KIF18B: variants seen among roughly 807,000 people sequenced by gnomAD.
KIF18B encodes kinesin-like protein KIF18B.
A neutral mutation model predicts 80.9 loss-of-function variants in KIF18B; 49 were observed. That is an observed-to-expected ratio of 0.61 (90% CI 0.48 to 0.77). The LOEUF is 0.77. Among genes scored for constraint, KIF18B ranks in the 30% least tolerant of loss-of-function variants. The pLI, the probability that KIF18B is intolerant of heterozygous loss-of-function variation, is 0.00. For missense variants in KIF18B, 994 were observed against 1,127.7 expected (o/e 0.88, Z 1.70); for synonymous variants, 439 against 463.9 (o/e 0.95, Z 0.69).
Position 44,928,262 on chromosome 17 carries a change from G to A in KIF18B, c.2040C>T (p.Ala680=), listed in dbSNP as rs375515468. The part of the protein sequence containing the change: ...QGPSTPKGER[A]SSPCHSPRVC... Reference sequence around the variant, plus strand: ...CGCGAGGGGAATGGCAGGGGGAGGAGGCCCTTTCTCCTTTGGGGGTGCTGG... The same window carrying A: ...CGCGAGGGGAATGGCAGGGGGAGGAAGCCCTTTCTCCTTTGGGGGTGCTGG... The change falls in exon 13 of 16, where the codon GCC becomes GCT. Residue 680 remains alanine (A), a synonymous_variant. Transcript: ENST00000593135. 9.5e-5 allele frequency: 154 copies of A among 1,613,392 alleles called. No individual in the cohort carries two copies. Among genetic ancestry groups the A allele is most frequent in the Non-Finnish European group, 1.3e-4 (150 of 1,179,790 alleles).
In KIF18B at chr17:44,932,186, A is replaced by T. The variant is rs749544071; in HGVS notation, c.1259T>A (p.Leu420His). The change falls in exon 10 of 16, where the codon CTC becomes CAC. Residue 420 changes from leucine to histidine, a missense_variant. Physicochemically the swap from Leu to His is moderately conservative, Grantham distance 99. Transcript: ENST00000593135. ...TTGAAGGGCTCTAGGCCCTGCAGGGAGCTCTGGGGTGCAGGGCTGGCTGGG... is the reference window on the plus strand; with the variant it reads ...TTGAAGGGCTCTAGGCCCTGCAGGGTGCTCTGGGGTGCAGGGCTGGCTGGG... ...PPEHQPCTPE[L>H]PAGPRALQEE... The T allele has an allele frequency of 6.2e-7, 1 of 1,608,718 alleles. No homozygotes were observed. The highest frequency in any genetic ancestry group is 8.5e-7 in the Non-Finnish European group (1 of 1,176,898).
At chr17:44,946,620 T>C (rs1308276338) in intron 1 of KIF18B, among the ~76,000 whole-genome samples, 1 of 152,226 alleles carries the variant, frequency 6.6e-6, no homozygotes, top group Non-Finnish European at 1.5e-5. Context: ...GTTAGAATTA[T>C]ATGACATATG....
chr17:44,943,779 C>T (rs1289428999), intron 1 of KIF18B, among the ~76,000 whole-genome samples: 2 of 152,200 alleles, frequency 1.3e-5, no homozygotes, highest in Admixed American at 6.5e-5. Context: ...GGGATCACCA[C>T]TCACAGCAGC....
At position 44,936,193 on chromosome 17, in the gene KIF18B, C is replaced by T. The variant is rs2052285296; in HGVS notation, c.152G>A (p.Gly51Asp). The T allele has an allele frequency of 1.9e-6, 3 of 1,612,538 alleles. No homozygotes were observed. The highest frequency in any genetic ancestry group is 1.7e-6 in the Non-Finnish European group (2 of 1,179,384). Reference protein sequence around the residue: ...NPEEPDGGFPGLKWGGTHDGP... With the variant: ...NPEEPDGGFPDLKWGGTHDGP... ...ATCATGGGTGCCACCCCATTTCAGG[C>T]CAGGGAACCCTCCATCGGGCTCCTC... The change falls in exon 2 of 16, where the codon GGC (glycine) becomes GAC (aspartate). Residue 51 changes from glycine to aspartate, a missense_variant. Gly to Asp is a moderately conservative substitution (Grantham distance 94). Coordinates refer to ENST00000593135, the MANE Select transcript of KIF18B (RefSeq NM_001265577.2).
chr17:44,936,715 T>C (rs543604511), intron 1 of KIF18B, among the ~76,000 whole-genome samples: 23 of 137,776 alleles, frequency 1.7e-4, no homozygotes, highest in South Asian at 1.6e-3. Context: ...TCTCGGCTCA[T>C]TGCAACCTCC....
At position 44,925,906 on chromosome 17, in the gene KIF18B, C is replaced by T; in HGVS notation, c.*174G>A. Reference sequence around the variant, plus strand: ...CAGGAGATTAACAGAGGGTGAGTAGCAGGATGGATGTCTGGGGAGGGATGT... The same window carrying T: ...CAGGAGATTAACAGAGGGTGAGTAGTAGGATGGATGTCTGGGGAGGGATGT... On this transcript the variant is annotated 3_prime_UTR_variant, in exon 16 of 16. Coordinates refer to ENST00000593135, the MANE Select transcript of KIF18B (RefSeq NM_001265577.2). 1 of 656,114 alleles carries T rather than the reference C, an allele frequency of 1.5e-6. No homozygotes were observed. The highest frequency in any genetic ancestry group is 2.7e-6 in the Non-Finnish European group (1 of 369,632). The allele number at this position is 656,114 out of a possible 1,614,324, so 40.6% of individuals were successfully genotyped here.
intron 3 of KIF18B, 93 bp from the exon 4 acceptor site, chr17:44,935,028 T>C (rs1034026141): frequency 1.2e-5 from 12 of 973,922 alleles, no homozygotes; most frequent in Non-Finnish European, 1.7e-5. Flanking sequence ...GGCCGGGATG[T>C]ATCTGAGACA....
At position 44,927,602 on chromosome 17, in the gene KIF18B, C is replaced by T. The variant is rs968706690; in HGVS notation, c.2276+424G>A. Among the ~76,000 whole-genome samples, 5 of 152,202 alleles carry T rather than the reference C, an allele frequency of 3.3e-5. No individual in the cohort carries two copies. The highest frequency in any genetic ancestry group is 6.5e-5 in the Admixed American group (1 of 15,280). On this transcript the variant is annotated intron_variant, in intron 13 of 15. Coordinates refer to ENST00000593135, the MANE Select transcript of KIF18B (RefSeq NM_001265577.2). This position sits in a 1 kb window ranked among gnomAD's most constrained non-coding sequence, Gnocchi z 4.1. Reference sequence around the variant, plus strand: ...CCCTTTCCTGTTCCAGATGCTGGGCCGGAGGCCAAAATCTGGAGTAGAAGT... The same window carrying T: ...CCCTTTCCTGTTCCAGATGCTGGGCTGGAGGCCAAAATCTGGAGTAGAAGT...
In KIF18B at chr17:44,934,130, G is replaced by A; in HGVS notation, c.886-31C>T. 6.2e-7 allele frequency: 1 copy of A among 1,607,826 alleles called. No homozygotes were observed. The highest frequency in any genetic ancestry group is 8.5e-7 in the Non-Finnish European group (1 of 1,177,190). The stretch of plus-strand genomic sequence containing the variant: ...GGGCAGTAAGCAGGTGTGGGGTGAG[G>A]CGACTGATGGCACTGACCCAGGATG... On this transcript the variant is annotated intron_variant, in intron 6 of 15. Coordinates refer to ENST00000593135, the MANE Select transcript of KIF18B (RefSeq NM_001265577.2). This position sits in a 1 kb window ranked among gnomAD's most constrained non-coding sequence, Gnocchi z 5.4.
rs201556743 is a variant in KIF18B, at chr17:44,926,100, C to T, written c.2539G>A (p.Gly847Ser). Reference protein sequence around the residue: ...RVGRALSAGNGVTKVS With the variant: ...RVGRALSAGNSVTKVS Reference sequence around the variant, plus strand: ...GGCGGTCAGGACACCTTGGTGACGCCGTTCCCTGCTGAGAGTGCTCTCCCC... The same window carrying T: ...GGCGGTCAGGACACCTTGGTGACGCTGTTCCCTGCTGAGAGTGCTCTCCCC... Residue 847 changes from glycine (G) to serine (S), a missense_variant, in exon 16 of 16, where the codon GGC (glycine) becomes AGC (serine). Gly to Ser is a moderately conservative substitution (Grantham distance 56, BLOSUM62 0). Transcript: ENST00000593135. 8.7e-6 allele frequency: 14 copies of T among 1,613,886 alleles called. 1 individual carries two copies. Among genetic ancestry groups the T allele is most frequent in the South Asian group, 7.7e-5 (7 of 91,078 alleles).
intron 2 of KIF18B, 36 bp from the exon 3 acceptor site, chr17:44,935,452 C>T: frequency 6.4e-6 from 10 of 1,555,364 alleles, no homozygotes; most frequent in South Asian, 2.4e-5. Flanking sequence ...GACCCCAGTG[C>T]CTTGCCACCC....
At position 44,933,905 on chromosome 17, in the gene KIF18B, G is replaced by GCTGGCACGCAC. The variant is rs2052215550; in HGVS notation, c.1062+17_1062+18insGTGCGTGCCAG. The stretch of plus-strand genomic sequence containing the variant: ...CTGGAGCTGCCCCACGCCCAAGCCG[G>GCTGGCACGCAC]CCCTGGCTGGCACGCACCGAGAGCC... On this transcript the variant is annotated intron_variant, in intron 7 of 15. Coordinates refer to ENST00000593135, the MANE Select transcript of KIF18B (RefSeq NM_001265577.2). 1.3e-5 allele frequency: 20 copies of GCTGGCACGCAC among 1,543,592 alleles called. No homozygotes were observed. The highest frequency in any genetic ancestry group is 1.7e-5 in the Non-Finnish European group (19 of 1,143,950).
At chr17:44,938,785 C>T (rs565801023) in intron 1 of KIF18B, among the ~76,000 whole-genome samples, 68 of 152,280 alleles carry the variant, frequency 4.5e-4, no homozygotes, top group African/African-American at 1.5e-3. Context: ...TGGCTCATGC[C>T]TGTAATCCCA....
At chr17:44,932,275 T>C in intron 9 of KIF18B, 69 bp from the exon 10 acceptor site, 1 of 1,503,828 alleles carries the variant, frequency 6.6e-7, no homozygotes, top group Admixed American at 2.1e-5. Flanking sequence ...AGAGGCAGGA[T>C]GTGGGCCAGG....
At chr17:44,931,009 G>A (rs2052133965) in intron 11 of KIF18B, among the ~76,000 whole-genome samples, 1 of 152,194 alleles carries the variant, frequency 6.6e-6, no homozygotes, top group Admixed American at 6.5e-5. Context: ...GGAGGGAAGA[G>A]CGGGATGGCA....
chr17:44,926,935 C>T, intron 14 of KIF18B, 54 bp downstream of exon 14: 3 of 1,473,666 alleles, frequency 2.0e-6, no homozygotes, highest in Non-Finnish European at 2.8e-6. Flanking sequence ...GTGTCTACTG[C>T]CCTGGTGAGA....
chr17:44,940,713 C>T (rs761839405), intron 1 of KIF18B, among the ~76,000 whole-genome samples: 19 of 152,172 alleles, frequency 1.2e-4, no homozygotes, highest in Non-Finnish European at 2.8e-4. Context: ...CTAGCTTCCA[C>T]TGGTGGGTCA....
At chr17:44,944,850 AAAAAGAATG>A (rs2052483091) in intron 1 of KIF18B, among the ~76,000 whole-genome samples, 1 of 152,180 alleles carries the variant, frequency 6.6e-6, no homozygotes, top group Non-Finnish European at 1.5e-5. Flanking sequence ...GGGCATTGTC[AAAAAGAATG>A]TTCCATTGCC....
At position 44,932,221 on chromosome 17, in the gene KIF18B, T is replaced by C. The variant is rs1193393113; in HGVS notation, c.1239-15A>G. On this transcript the variant is annotated splice_polypyrimidine_tract_variant and intron_variant, in intron 9 of 15. Coordinates refer to ENST00000593135, the MANE Select transcript of KIF18B (RefSeq NM_001265577.2). ...TGCAGGGCTGGCTGGGAGGGTGGGG[T>C]GGCAAGGGGGAGCTGGGAAGGCTAA... 1 of 1,564,296 alleles carries C rather than the reference T, an allele frequency of 6.4e-7. No individual in the cohort carries two copies. Among genetic ancestry groups the C allele is most frequent in the Non-Finnish European group, 8.7e-7 (1 of 1,152,584 alleles).
Sources: allele counts gnomAD v4.1 joint callset (sites outside exome capture counted in the v4.1 genomes callset), GRCh38; gene constraint gnomAD v4.1.1; non-coding constraint Gnocchi (gnomAD v3.1); transcripts MANE v1.5; gene names NCBI Gene and HGNC (gene_info 2026-07-23, HGNC 2026-07-21).